The following ADRA1A variants were observed in gnomAD, a reference collection of about 807,000 sequenced individuals.
ADRA1A encodes alpha-1A adrenergic receptor.
In ADRA1A, 31 loss-of-function variants were observed where a neutral mutation model predicts 29.6. The ratio of observed to expected loss-of-function variants is 1.05; its 90% CI spans 0.79 to 1.41. The LOEUF (loss-of-function observed/expected upper bound fraction) is 1.41, where lower values mean the gene tolerates loss of function less well. Ranked by LOEUF, ADRA1A falls within the 40% of genes most tolerant of loss-of-function variation. The pLI, the probability that ADRA1A is intolerant of heterozygous loss-of-function variation, is 0.00. For synonymous variants in ADRA1A, 311 were observed against 254.3 expected, an observed-to-expected ratio of 1.22 and a Z score of -2.12; for missense variants, 619 against 601.1, an observed-to-expected ratio of 1.03 and a Z score of -0.31.
In ADRA1A at chr8:26,844,132, A is replaced by G. The variant is rs372344317; in HGVS notation, c.883+19955T>C. Among the ~76,000 whole-genome samples the G allele has an allele frequency of 7.9e-5, 12 of 152,314 alleles. 1 individual carries two copies. In the East Asian group the frequency reaches 1.5e-3, roughly 20 times the overall value. Reference sequence around the variant, plus strand: ...ATCTGGATCATATGTTGTATATTGTATACTACTACCAGTGGGATATGGGTC... The same window carrying G: ...ATCTGGATCATATGTTGTATATTGTGTACTACTACCAGTGGGATATGGGTC... On this transcript the variant is annotated intron_variant, in intron 2 of 2. Transcript: ENST00000380573.
chr8:26,849,831 C>A (rs1812480440), intron 2 of ADRA1A, among the ~76,000 whole-genome samples: 1 of 152,024 alleles, frequency 6.6e-6, no homozygotes, highest in Non-Finnish European at 1.5e-5. Context: ...AAGACTTAAG[C>A]AGCTATTAGG....
chr8:26,845,930 C>T (rs1201494019), intron 2 of ADRA1A, among the ~76,000 whole-genome samples: 1 of 152,014 alleles, frequency 6.6e-6, no homozygotes, highest in Admixed American at 6.6e-5. Flanking sequence ...TGGGGAATGC[C>T]GAGTGATTGC....
In ADRA1A at chr8:26,864,206, G is replaced by A. The variant is rs1813693169; in HGVS notation, c.764C>T (p.Thr255Met). Residue 255 changes from threonine (T) to methionine (M), a missense_variant, in exon 2 of 3, where the codon ACG becomes ATG. Transcript: ENST00000380573. The surrounding 1 kb of genome is among the most constrained non-coding windows in gnomAD (Gnocchi z 8.1). ...GSGMASAKTK[T>M]HFSVRLLKFS... ...CTTGAGGAGCCTCACTGAGAAGTGC[G>A]TCTTGGTCTTGGCGCTGGCCATCCC... is the stretch of plus-strand genomic sequence containing the variant. 6.2e-7 allele frequency: 1 copy of A among 1,614,082 alleles called. No individual in the cohort carries two copies.
At chr8:26,784,521 TTC>T (rs1010279893) in intron 2 of ADRA1A, among the ~76,000 whole-genome samples, 7 of 152,100 alleles carry the variant, frequency 4.6e-5, no homozygotes, top group African/African-American at 1.4e-4. Context: ...AGTTATCAAT[TTC>T]TCTCTCTCTC....
Position 26,769,966 on chromosome 8 carries a change from A to C in ADRA1A, c.*183T>G. On this transcript the variant is annotated 3_prime_UTR_variant, in exon 3 of 3. Transcript: ENST00000380573. ...TCATTCTGAACTGGTTGGTTGTGAG[A>C]CACCCTCCCTCTTCCCTGTGCCCTA... 1 of 1,391,840 alleles carries C rather than the reference A, an allele frequency of 7.2e-7. No homozygotes were observed. Among genetic ancestry groups the C allele is most frequent in the East Asian group, 2.4e-5 (1 of 40,978 alleles). 86.2% of individuals were successfully genotyped at this position (1,391,840 alleles called of 1,614,324 possible). A position where few individuals can be genotyped will look rare whatever the true frequency, so the allele number is the denominator to read the frequency against.
At chr8:26,830,138 T>A (rs1810869721) in intron 2 of ADRA1A, among the ~76,000 whole-genome samples, 4 of 152,276 alleles carry the variant, frequency 2.6e-5, no homozygotes, top group Admixed American at 2.6e-4. Context: ...TGTTAATGTA[T>A]CACCTCCCAC....
chr8:26,844,990 C>T (rs1346709642), intron 2 of ADRA1A, among the ~76,000 whole-genome samples: 1 of 152,088 alleles, frequency 6.6e-6, no homozygotes, highest in African/African-American at 2.4e-5. Flanking sequence ...GGGCTGCATT[C>T]AAAGCCGTCC....
intron 2 of ADRA1A, among the ~76,000 whole-genome samples, chr8:26,826,137 C>T (rs1810544790): frequency 6.6e-6 from 1 of 152,240 alleles, no homozygotes; most frequent in African/African-American, 2.4e-5. Flanking sequence ...TGGCCTTCCT[C>T]AGGCCATGGA....
At chr8:26,830,379 G>T (rs1197416130) in intron 2 of ADRA1A, among the ~76,000 whole-genome samples, 1 of 152,184 alleles carries the variant, frequency 6.6e-6, no homozygotes, top group Non-Finnish European at 1.5e-5. Context: ...CTGAAAGCTG[G>T]CTTGGAGCCT....
rs1808919096 is a variant in ADRA1A, at chr8:26,805,643, A to T, written c.884-34977T>A. 6.6e-6 allele frequency among the ~76,000 whole-genome samples: 1 copy of T among 152,188 alleles called. No homozygotes were observed. The highest frequency in any genetic ancestry group is 1.5e-5 in the Non-Finnish European group (1 of 68,016). ...GGCCATGGAACAAGTGAGAGATGGA[A>T]CTGGATTTGAACTCTGGTACCCCAG... On this transcript the variant is annotated intron_variant, in intron 2 of 2. Coordinates refer to ENST00000380573, the MANE Select transcript of ADRA1A (RefSeq NM_000680.4). This position sits in a 1 kb window ranked among gnomAD's most constrained non-coding sequence, Gnocchi z 4.8.
chr8:26,829,895 A>C (rs951025380), intron 2 of ADRA1A, among the ~76,000 whole-genome samples: 1 of 139,820 alleles, frequency 7.2e-6, no homozygotes. Flanking sequence ...AAACAAGCCA[A>C]GTAGAGGTCA....
Position 26,769,134 on chromosome 8 carries a change from A to T in ADRA1A, c.*1015T>A. On this transcript the variant is annotated 3_prime_UTR_variant, in exon 3 of 3. Transcript: ENST00000380573. ...AGTGAAGCAGATAAGAAGTAATGGG[A>T]GACAATCTTTTGCCTTTCAAAATAT... The T allele has an allele frequency of 1.0e-6, 1 of 985,430 alleles. No homozygotes were observed. Among genetic ancestry groups the T allele is most frequent in the Non-Finnish European group, 1.2e-6 (1 of 829,914 alleles). The allele number at this position is 985,430 out of a possible 1,614,324, so 61.0% of individuals were successfully genotyped here.
rs567971205 is a variant in ADRA1A at position 26,860,501 on chromosome 8, T to G, written c.883+3586A>C. ...TGTACTTTAATGTTATGACCGTAAATCTCAGATAGGCCTTCAGGACTTCCC... is the reference window on the plus strand; with the variant it reads ...TGTACTTTAATGTTATGACCGTAAAGCTCAGATAGGCCTTCAGGACTTCCC... On this transcript the variant is annotated intron_variant, in intron 2 of 2. Transcript: ENST00000380573. This position sits in a 1 kb window ranked among gnomAD's most constrained non-coding sequence, Gnocchi z 4.7. Among the ~76,000 whole-genome samples, 1 of 152,222 alleles carries G rather than the reference T, an allele frequency of 6.6e-6. No homozygotes were observed. The highest frequency in any genetic ancestry group is 2.1e-4 in the South Asian group (1 of 4,812).
intron 2 of ADRA1A, among the ~76,000 whole-genome samples, chr8:26,846,761 C>A (rs1244040270): frequency 6.6e-6 from 1 of 152,156 alleles, no homozygotes; most frequent in African/African-American, 2.4e-5. Flanking sequence ...AACAGTGAGA[C>A]ATCGTCTCAA....
intron 2 of ADRA1A, among the ~76,000 whole-genome samples, chr8:26,788,794 C>T (rs944192953): frequency 6.6e-6 from 1 of 152,196 alleles, no homozygotes; most frequent in Non-Finnish European, 1.5e-5. Context: ...GAATGCGCTA[C>T]AACCCACTGC....
intron 2 of ADRA1A, among the ~76,000 whole-genome samples, chr8:26,804,160 A>G (rs1808801095): frequency 6.6e-6 from 1 of 151,880 alleles, no homozygotes; most frequent in Non-Finnish European, 1.5e-5. Flanking sequence ...GGGTCAAGTG[A>G]TCCTCCTGCC....
At chr8:26,813,485 C>T (rs1039357003) in intron 2 of ADRA1A, among the ~76,000 whole-genome samples, 6 of 148,730 alleles carry the variant, frequency 4.0e-5, no homozygotes, top group Admixed American at 2.7e-4. Flanking sequence ...ATTCCTCTTG[C>T]ATCTATCCAT....
At chr8:26,795,955 A>T (rs149135960) in intron 2 of ADRA1A, among the ~76,000 whole-genome samples, 1 of 152,292 alleles carries the variant, frequency 6.6e-6, no homozygotes, top group East Asian at 1.9e-4. Flanking sequence ...TTTGGATCTC[A>T]ATTCAAATAA....
chr8:26,768,444 A>T (rs1302668697), downstream of ADRA1A, among the ~76,000 whole-genome samples: 1 of 152,212 alleles, frequency 6.6e-6, no homozygotes, highest in East Asian at 1.9e-4. Context: ...TTTTACTTAT[A>T]GTTACCATCT....
Sources: gnomAD v4.1 joint callset for allele counts (sites outside exome capture counted in the v4.1 genomes callset) on GRCh38, gnomAD v4.1.1 for gene constraint, Gnocchi (gnomAD v3.1) non-coding constraint, MANE v1.5 for transcripts, NCBI Gene and HGNC (gene_info 2026-07-23, HGNC 2026-07-21) for gene names.